The following ZFP41 variants were observed in gnomAD, a reference collection of about 807,000 sequenced individuals.
The protein encoded by ZFP41 is zinc finger protein 41 homolog.
A neutral mutation model predicts 11.6 loss-of-function variants in ZFP41; 10 were observed. The ratio of observed to expected loss-of-function variants is 0.86; its 90% CI spans 0.53 to 1.47. The LOEUF is 1.47. ZFP41 is among the 40% of genes most tolerant of loss of function. The pLI, the probability that ZFP41 is intolerant of heterozygous loss-of-function variation, is 0.00. For missense variants in ZFP41, 302 were observed against 264.6 expected (o/e 1.14, Z -0.98); for synonymous variants, 123 against 100.9 (o/e 1.22, Z -1.31).
At position 143,250,257 on chromosome 8, in the gene ZFP41, G is replaced by A. The variant is rs561985275; in HGVS notation, c.414G>A (p.Thr138=). The A allele has an allele frequency of 8.1e-6, 13 of 1,614,004 alleles. No homozygotes were observed. Among genetic ancestry groups the A allele is most frequent in the East Asian group, 6.7e-5 (3 of 44,876 alleles). ...TCACCAAACACCAGAGGACTCACAC[G>A]GGAGAGAAGCCCTTCAAATGCGGGG... ...SDVTKHQRTH[T]GEKPFKCGEC... Residue 138 remains threonine (T), a synonymous_variant, in exon 2 of 3, where the codon ACG becomes ACA. Transcript: ENST00000330701.
rs148746080 is a variant in ZFP41, at chr8:143,250,153, C to T, written c.310C>T (p.Arg104Cys). Residue 104 changes from arginine (R) to cysteine (C), a missense_variant, in exon 2 of 3, where the codon CGC becomes TGC. Arg to Cys is a radical substitution (Grantham distance 180). Transcript: ENST00000330701. ...CTTTAAGCACAAGACAGACCACATT[C>T]GCCATCAGAGGGTCCACACTGGAGA... ...RIFKHKTDHIRHQRVHTGEKP... is the reference protein window; with the variant it reads ...RIFKHKTDHICHQRVHTGEKP... The T allele has an allele frequency of 1.3e-4, 217 of 1,614,156 alleles. No individual in the cohort carries two copies. The highest frequency in any genetic ancestry group is 1.2e-3 in the Admixed American group (74 of 60,024).
chr8:143,252,405 C>T (rs886506137), intron 2 of ZFP41, among the ~76,000 whole-genome samples: 10 of 152,256 alleles, frequency 6.6e-5, no homozygotes, highest in Non-Finnish European at 1.0e-4. Flanking sequence ...TGGCTGTGCT[C>T]GCCTGCGGGC....
At chr8:143,254,635 T>TC (rs1814864046) in intron 2 of ZFP41, among the ~76,000 whole-genome samples, 1 of 148,864 alleles carries the variant, frequency 6.7e-6, no homozygotes, top group East Asian at 2.0e-4. Flanking sequence ...CGTTACTTTT[T>TC]TTTTTTTTTT....
chr8:143,251,936 C>T (rs373846507), intron 2 of ZFP41, among the ~76,000 whole-genome samples: 4 of 152,144 alleles, frequency 2.6e-5, no homozygotes, highest in South Asian at 2.1e-4. Flanking sequence ...TCTCTTCTCC[C>T]GGCTGCTCCT....
intron 1 of ZFP41, among the ~76,000 whole-genome samples, chr8:143,247,949 A>T (rs1338108212): frequency 6.6e-6 from 1 of 152,074 alleles, no homozygotes; most frequent in East Asian, 1.9e-4. Context: ...CCTCCTGAGT[A>T]GCTAGGACTA....
rs1816760154 is a variant in ZFP41, at chr8:143,249,774, C to T, written c.-70C>T. On this transcript the variant is annotated 5_prime_UTR_variant, in exon 2 of 3. Coordinates refer to ENST00000330701, the MANE Select transcript of ZFP41 (RefSeq NM_173832.6). ...TGTGGAGAGGTGCGTGGGAAGCAAG[C>T]CATTGAGGAAGTGGGGCCAACAGAG... The T allele has an allele frequency of 1.3e-6, 2 of 1,509,944 alleles. No individual in the cohort carries two copies. Among genetic ancestry groups the T allele is most frequent in the African/African-American group, 1.4e-5 (1 of 71,586 alleles). The allele number at this position is 1,509,944 out of a possible 1,614,324, so 93.5% of individuals were successfully genotyped here.
chr8:143,247,072 A>G lies in ZFP41; in HGVS notation c.-225A>G, dbSNP rs1816706267. Reference sequence around the variant, plus strand: ...CGCGCGCCTCTCCCCGCCCTCCAGCAGTCCTGGTAGGGCCCGGGCGCGTCC... The same window carrying G: ...CGCGCGCCTCTCCCCGCCCTCCAGCGGTCCTGGTAGGGCCCGGGCGCGTCC... On this transcript the variant is annotated 5_prime_UTR_variant, in exon 1 of 3. Transcript: ENST00000330701. 6.6e-6 allele frequency: 1 copy of G among 152,324 alleles called. No individual in the cohort carries two copies. Among genetic ancestry groups the G allele is most frequent in the Non-Finnish European group, 1.5e-5 (1 of 68,198 alleles). 9.4% of individuals were successfully genotyped at this position (152,324 alleles called of 1,614,324 possible). A position where few individuals can be genotyped will look rare whatever the true frequency, so the allele number is the denominator to read the frequency against.
rs189686266 is a variant in ZFP41, at chr8:143,261,952, G to A, written c.*3078G>A. The A allele has an allele frequency of 2.4e-5, 2 of 83,052 alleles. No individual in the cohort carries two copies. Among genetic ancestry groups the A allele is most frequent in the African/African-American group, 1.8e-4 (2 of 11,302 alleles). The allele number at this position is 83,052 out of a possible 1,614,324, so 5.1% of individuals were successfully genotyped here. A position where few individuals can be genotyped will look rare whatever the true frequency, so the allele number is the denominator to read the frequency against. On this transcript the variant is annotated 3_prime_UTR_variant, in exon 3 of 3. Transcript: ENST00000330701. ...GCCCGTCTCCGGCAGCACCTGCCAC[G>A]CCCGTCTCCGGCAGCCCCTGCCCGC...
At chr8:143,254,564 T>A (rs920313873) in intron 2 of ZFP41, among the ~76,000 whole-genome samples, 56 of 151,776 alleles carry the variant, frequency 3.7e-4, no homozygotes, top group African/African-American at 1.4e-3. Flanking sequence ...TGTCTGCATT[T>A]GGTTTGATTT....
At position 143,252,781 on chromosome 8, in the gene ZFP41, TGGGGGTGA is replaced by T. The variant is rs1168777895; in HGVS notation, c.*900+1453_*900+1460del. On this transcript the variant is annotated intron_variant, in intron 2 of 2. Transcript: ENST00000330701. ...TGTGGTCAGCCCACTGCCGTCAGCA[TGGGGGTGA>T]GGGGGTGAGGGAGCGAGGGGGCGGG... The T allele has an allele frequency of 2.1e-5, 5 of 239,828 alleles. No individual in the cohort carries two copies. The South Asian group carries it at 6.2e-4, about 30-fold the overall frequency. 14.9% of individuals were successfully genotyped at this position (239,828 alleles called of 1,614,324 possible). A position where few individuals can be genotyped will look rare whatever the true frequency, so the allele number is the denominator to read the frequency against.
rs770138305 is a variant in ZFP41, at chr8:143,249,925, G to C, written c.82G>C (p.Glu28Gln). Residue 28 changes from glutamate (E) to glutamine (Q), a missense_variant, in exon 2 of 3, where the codon GAG becomes CAG. Transcript: ENST00000330701. ...CGTGCAGAAGAGTGCGCTCAGAGAG[G>C]AGAAGGTGTCCGGGGACAGAAAGCC... The part of the protein sequence containing the change: ...ADVQKSALRE[E>Q]KVSGDRKPPE... 4 of 1,613,928 alleles carry C rather than the reference G, an allele frequency of 2.5e-6. No individual in the cohort carries two copies. Among genetic ancestry groups the C allele is most frequent in the East Asian group, 2.2e-5 (1 of 44,870 alleles).
In ZFP41 at chr8:143,248,798, C is replaced by T. The variant is rs187710212; in HGVS notation, c.-154-892C>T. ...CCCACCTGATCTGCCTCCTCCCACA[C>T]GCCACCTCTAGATAGAGCCCTAGAA... On this transcript the variant is annotated intron_variant, in intron 1 of 2. Transcript: ENST00000330701. Among the ~76,000 whole-genome samples the T allele has an allele frequency of 3.3e-5, 5 of 152,330 alleles. No homozygotes were observed. The East Asian group carries it at 7.7e-4, about 23-fold the overall frequency.
At position 143,259,767 on chromosome 8, in the gene ZFP41, C is replaced by T. The variant is rs372970158; in HGVS notation, c.*901-8C>T. ...ATGTATTCAGAAGATATTTCTCATC[C>T]TTTTCAGGCTGGTAGAGCAGATCAC... On this transcript the variant is annotated splice_polypyrimidine_tract_variant and splice_region_variant and intron_variant, in intron 2 of 2. Transcript: ENST00000330701. 2 of 152,266 alleles carry T rather than the reference C, an allele frequency of 1.3e-5. No individual in the cohort carries two copies. The highest frequency in any genetic ancestry group is 4.8e-5 in the African/African-American group (2 of 41,452). 9.4% of individuals were successfully genotyped at this position (152,266 alleles called of 1,614,324 possible). A position where few individuals can be genotyped will look rare whatever the true frequency, so the allele number is the denominator to read the frequency against.
At position 143,250,572 on chromosome 8, in the gene ZFP41, C is replaced by T. The variant is rs142754472; in HGVS notation, c.*132C>T. Reference sequence around the variant, plus strand: ...CTGTGTTCCGTGCCCTGGGGACCCCCGGAAAAGCAGCCCAGTCAGATGTGG... The same window carrying T: ...CTGTGTTCCGTGCCCTGGGGACCCCTGGAAAAGCAGCCCAGTCAGATGTGG... On this transcript the variant is annotated 3_prime_UTR_variant, in exon 2 of 3. Coordinates refer to ENST00000330701, the MANE Select transcript of ZFP41 (RefSeq NM_173832.6). 117 of 1,434,276 alleles carry T rather than the reference C, an allele frequency of 8.2e-5. 1 individual carries two copies. Among genetic ancestry groups the T allele is most frequent in the Admixed American group, 6.2e-4 (25 of 40,164 alleles). The allele number at this position is 1,434,276 out of a possible 1,614,324, so 88.8% of individuals were successfully genotyped here. A position where few individuals can be genotyped will look rare whatever the true frequency, so the allele number is the denominator to read the frequency against.
rs770874609 is a variant in ZFP41 at position 143,250,066 on chromosome 8, G to C, written c.223G>C (p.Val75Leu). ...DASFKDDFEG[V>L]PVFIPFQRKK... ...TTCATTTAAAGATGACTTTGAGGGG[G>C]TTCCCGTGTTCATTCCTTTTCAGAG... Residue 75 changes from valine (V) to leucine (L), a missense_variant, in exon 2 of 3, where the codon GTT becomes CTT. Physicochemically the swap from Val to Leu is conservative, Grantham distance 32 (BLOSUM62 1). Transcript: ENST00000330701. The C allele has an allele frequency of 6.2e-7, 1 of 1,614,052 alleles. No individual in the cohort carries two copies. Among genetic ancestry groups the C allele is most frequent in the Non-Finnish European group, 8.5e-7 (1 of 1,180,038 alleles).
Position 143,252,591 on chromosome 8 carries a change from C to T in ZFP41, c.*900+1251C>T, listed in dbSNP as rs1034337492. On this transcript the variant is annotated intron_variant, in intron 2 of 2. Coordinates refer to ENST00000330701, the MANE Select transcript of ZFP41 (RefSeq NM_173832.6). ...CCTGATGGTCCTGCCGCCTCAGTCG[C>T]TGCTGGAAGCACGGCCTTCGTGGCT... The T allele has an allele frequency of 4.1e-5, 40 of 981,604 alleles. No individual in the cohort carries two copies. In the African/African-American group the frequency reaches 5.8e-4, roughly 14 times the overall value. 60.8% of individuals were successfully genotyped at this position (981,604 alleles called of 1,614,324 possible).
chr8:143,256,764 T>A (rs188133255), intron 2 of ZFP41, among the ~76,000 whole-genome samples: 1 of 152,342 alleles, frequency 6.6e-6, no homozygotes, highest in East Asian at 1.9e-4. Flanking sequence ...TTTTAACGTT[T>A]ATGGTTATGA....
At chr8:143,251,742 T>C (rs908331089) in intron 2 of ZFP41, among the ~76,000 whole-genome samples, 2 of 152,216 alleles carry the variant, frequency 1.3e-5, no homozygotes, top group African/African-American at 2.4e-5. Flanking sequence ...AACACATTTT[T>C]CCTGCCGCGG....
intron 2 of ZFP41, among the ~76,000 whole-genome samples, chr8:143,252,485 G>A (rs1000580424): frequency 3.9e-5 from 6 of 152,224 alleles, no homozygotes; most frequent in African/African-American, 1.2e-4. Context: ...TTCTGCTCTC[G>A]GGACCACACA....
Sources: gnomAD v4.1 joint callset for allele counts (sites outside exome capture counted in the v4.1 genomes callset) on GRCh38, gnomAD v4.1.1 for gene constraint, MANE v1.5 for transcripts, NCBI Gene and HGNC (gene_info 2026-07-23, HGNC 2026-07-21) for gene names.